L3MBTL4: variants seen among roughly 807,000 people sequenced by gnomAD.
L3MBTL4 encodes L3MBTL histone methyl-lysine binding protein 4.
Under a neutral mutation model 84.5 loss-of-function variants are expected in L3MBTL4, and 70 were observed. The observed-to-expected ratio is 0.83, with a 90% CI of 0.68 to 1.01. The LOEUF (loss-of-function observed/expected upper bound fraction) is 1.01. Ranked by LOEUF, L3MBTL4 falls within the 50% of genes least tolerant of loss-of-function variation. The pLI, the probability that L3MBTL4 is intolerant of heterozygous loss-of-function variation, is 0.00. For synonymous variants in L3MBTL4, 274 were observed against 259.8 expected (o/e 1.05, Z -0.52); for missense variants, 715 against 754.8 (o/e 0.95, Z 0.62).
chr18:6,097,000 T>C (rs1449168864), intron 14 of L3MBTL4, among the ~76,000 whole-genome samples: 5 of 152,200 alleles, frequency 3.3e-5, no homozygotes, highest in Non-Finnish European at 7.3e-5. Flanking sequence ...CATTCCTCCT[T>C]AATTCACAGA....
chr18:6,199,568 G>A (rs1180292572), intron 12 of L3MBTL4, among the ~76,000 whole-genome samples: 1 of 152,176 alleles, frequency 6.6e-6, no homozygotes, highest in Non-Finnish European at 1.5e-5. Flanking sequence ...GGACAAGTGG[G>A]TGAAAAGCTA....
chr18:6,184,010 T>C (rs927716761), intron 12 of L3MBTL4, among the ~76,000 whole-genome samples: 14 of 152,210 alleles, frequency 9.2e-5, no homozygotes, highest in African/African-American at 3.4e-4. Context: ...CAATATGATA[T>C]AGTGCCTGCA....
chr18:6,149,678 GTTCCTA>G (rs1375476746), intron 13 of L3MBTL4, among the ~76,000 whole-genome samples: 2 of 152,266 alleles, frequency 1.3e-5, no homozygotes, highest in Non-Finnish European at 2.9e-5. Flanking sequence ...GTGCAAAAAT[GTTCCTA>G]TTTCTCCACA....
chr18:6,159,013 A>C (rs2043211094), intron 13 of L3MBTL4, among the ~76,000 whole-genome samples: 1 of 152,198 alleles, frequency 6.6e-6, no homozygotes, highest in Admixed American at 6.5e-5. Context: ...CTTCCTGGGA[A>C]GAGTGTGCCC....
At chr18:6,280,585 C>T (rs934234455) in intron 4 of L3MBTL4, among the ~76,000 whole-genome samples, 1 of 152,176 alleles carries the variant, frequency 6.6e-6, no homozygotes, top group Non-Finnish European at 1.5e-5. Flanking sequence ...GGTAGGATAA[C>T]GGCCTTCCAA....
At chr18:6,012,750 A>G (rs2145406554) in intron 16 of L3MBTL4, among the ~76,000 whole-genome samples, 1 of 152,224 alleles carries the variant, frequency 6.6e-6, no homozygotes, top group South Asian at 2.1e-4. Context: ...TCCAGCCTAC[A>G]CCACAGAGCA....
intron 1 of L3MBTL4, among the ~76,000 whole-genome samples, chr18:6,355,230 A>G (rs1424334586): frequency 6.6e-6 from 1 of 152,186 alleles, no homozygotes; most frequent in South Asian, 2.1e-4. Context: ...GAGAGCACAG[A>G]TACTCCTTTC....
At chr18:6,290,274 G>GTTT (rs75169205) in intron 4 of L3MBTL4, among the ~76,000 whole-genome samples, 2 of 140,704 alleles carry the variant, frequency 1.4e-5, no homozygotes, top group African/African-American at 5.2e-5. Flanking sequence ...CTGCAGAAGG[G>GTTT]TTTTTTTTTT....
chr18:6,395,587 T>C (rs1380512466), intron 1 of L3MBTL4: 2 of 152,200 alleles, frequency 1.3e-5, no homozygotes, highest in African/African-American at 4.8e-5. Flanking sequence ...GGCACTGCCA[T>C]ATGATGTATT....
At chr18:6,313,185 G>A (rs1025200243) in intron 1 of L3MBTL4, among the ~76,000 whole-genome samples, 5 of 152,034 alleles carry the variant, frequency 3.3e-5, no homozygotes, top group African/African-American at 7.2e-5. Flanking sequence ...CTTATTTTCC[G>A]CTGTCTAGAT....
At position 5,969,573 on chromosome 18, in the gene L3MBTL4, G is replaced by T; in HGVS notation, c.1445-11C>A. 1 of 1,578,152 alleles carries T rather than the reference G, an allele frequency of 6.3e-7. No homozygotes were observed. Among genetic ancestry groups the T allele is most frequent in the South Asian group, 1.2e-5 (1 of 84,798 alleles). On this transcript the variant is annotated splice_polypyrimidine_tract_variant and intron_variant, in intron 16 of 18. Coordinates refer to ENST00000317931, the MANE Select transcript of L3MBTL4 (RefSeq NM_001330559.2). Reference sequence around the variant, plus strand: ...GCTCCACCGAGTATTCTGTAAGAGAGGTGGGGTGGGGTGAGGCTCAGGCTC... The same window carrying T: ...GCTCCACCGAGTATTCTGTAAGAGATGTGGGGTGGGGTGAGGCTCAGGCTC...
chr18:6,118,208 A>AACACACACACACACACACACCCAC (rs60207558), intron 14 of L3MBTL4, among the ~76,000 whole-genome samples: 1 of 141,782 alleles, frequency 7.1e-6, no homozygotes, highest in Non-Finnish European at 1.5e-5. Flanking sequence ...AACACACACA[A>AACACACACACACACACACACCCAC]ACACACACAC....
At position 6,071,724 on chromosome 18, in the gene L3MBTL4, AGAAG is replaced by A. The variant is rs1396596433; in HGVS notation, c.1444+9153_1444+9156del. Among the ~76,000 whole-genome samples the A allele has an allele frequency of 1.7e-3, 185 of 109,998 alleles. 1 individual carries two copies. Among genetic ancestry groups the A allele is most frequent in the Middle Eastern group, 4.4e-3 (1 of 228 alleles). 72.2% of individuals were successfully genotyped at this position (109,998 alleles called of 152,430 possible). A position where few individuals can be genotyped will look rare whatever the true frequency, so the allele number is the denominator to read the frequency against. On this transcript the variant is annotated intron_variant, in intron 16 of 18. Coordinates refer to ENST00000317931, the MANE Select transcript of L3MBTL4 (RefSeq NM_001330559.2). ...AAGAAAGAAAGAAAGAAGGAAAGAA[AGAAG>A]GAAAGAAAGAAGGAAGGAAAGAAAG...
chr18:6,031,596 G>A, intron 16 of L3MBTL4: 1 of 937,304 alleles, frequency 1.1e-6, no homozygotes, highest in Non-Finnish European at 1.3e-6. Flanking sequence ...TTGTTGGACA[G>A]TTGTTGGCTG....
intron 4 of L3MBTL4, among the ~76,000 whole-genome samples, chr18:6,276,353 C>G (rs890708355): frequency 1.3e-5 from 2 of 152,156 alleles, no homozygotes; most frequent in African/African-American, 2.4e-5. Context: ...GTCTCCAGTA[C>G]CTTTTGGCTT....
Position 6,280,104 on chromosome 18 carries a change from C to A in L3MBTL4, c.128-16066G>T, listed in dbSNP as rs1245251189. 3.3e-5 allele frequency among the ~76,000 whole-genome samples: 5 copies of A among 152,302 alleles called. No homozygotes were observed. The East Asian group carries it at 9.6e-4, about 29-fold the overall frequency. ...CTCGCTAACCTTTCAAAACACTAGT[C>A]ATTCTCAATGAATGTAAATTTAAAA... On this transcript the variant is annotated intron_variant, in intron 4 of 18. Coordinates refer to ENST00000317931, the MANE Select transcript of L3MBTL4 (RefSeq NM_001330559.2).
intron 10 of L3MBTL4, among the ~76,000 whole-genome samples, chr18:6,225,627 G>A (rs572192043): frequency 4.6e-5 from 7 of 151,896 alleles, no homozygotes; most frequent in South Asian, 2.1e-4. Context: ...GGGTGTGGTC[G>A]TACACACCTG....
rs1441039798 is a variant in L3MBTL4 at position 6,024,117 on chromosome 18, TCCGC to T, written c.1445-54559_1445-54556del. Among the ~76,000 whole-genome samples the T allele has an allele frequency of 2.6e-5, 4 of 152,278 alleles. No homozygotes were observed. The East Asian group carries it at 7.7e-4, about 29-fold the overall frequency. On this transcript the variant is annotated intron_variant, in intron 16 of 18. Coordinates refer to ENST00000317931, the MANE Select transcript of L3MBTL4 (RefSeq NM_001330559.2). ...GTCTTGAACTCCTGACCTCAGGTGA[TCCGC>T]CCGCCTCAGCCTCCCAAAGTGCTGG...
chr18:6,055,144 T>C (rs192228804), intron 16 of L3MBTL4, among the ~76,000 whole-genome samples: 1 of 152,342 alleles, frequency 6.6e-6, no homozygotes, highest in Non-Finnish European at 1.5e-5. Context: ...GAGTTACATA[T>C]GAAAGAGAAA....
Sources: gnomAD v4.1 joint callset for allele counts (sites outside exome capture counted in the v4.1 genomes callset) on GRCh38, gnomAD v4.1.1 for gene constraint, MANE v1.5 for transcripts, NCBI Gene and HGNC (gene_info 2026-07-23, HGNC 2026-07-21) for gene names.